The following CHD2 variants were observed in gnomAD, a reference collection of about 807,000 sequenced individuals.
The protein encoded by CHD2 is chromodomain helicase DNA binding protein 2.
A neutral mutation model predicts 243.9 loss-of-function variants in CHD2; 28 were observed. The ratio of observed to expected loss-of-function variants is 0.11; its 90% CI spans 0.09 to 0.16. The LOEUF (loss-of-function observed/expected upper bound fraction) is 0.16, where lower values mean the gene tolerates loss of function less well. Among genes scored for constraint, CHD2 ranks in the 10% least tolerant of loss-of-function variants. The pLI, the probability that CHD2 is intolerant of heterozygous loss-of-function variation, is 1.00. For synonymous variants in CHD2, 775 were observed against 779.0 expected, an observed-to-expected ratio of 0.99 and a Z score of 0.09; for missense variants, 1,386 against 2,209.8, an observed-to-expected ratio of 0.63 and a Z score of 7.47.
intron 34 of CHD2, among the ~76,000 whole-genome samples, chr15:93,006,141 T>G (rs930755312): frequency 6.8e-6 from 1 of 146,180 alleles, no homozygotes; most frequent in Non-Finnish European, 1.5e-5. Flanking sequence ...TTTTTTTTTT[T>G]TTTGAGGCAG....
At chr15:92,907,184 C>G (rs1365341999) in intron 2 of CHD2, among the ~76,000 whole-genome samples, 1 of 152,048 alleles carries the variant, frequency 6.6e-6, no homozygotes, top group Non-Finnish European at 1.5e-5. Context: ...TATTTGAGCC[C>G]TGATTATGAA....
At chr15:92,971,662 C>CT (rs2053843847) in intron 17 of CHD2, 103 bp from the exon 18 acceptor site, 1 of 1,022,282 alleles carries the variant, frequency 9.8e-7, no homozygotes, top group East Asian at 2.9e-5. Flanking sequence ...TTTTAGGCCT[C>CT]TTTTTTTCTC....
chr15:92,943,009 A>G lies in CHD2; in HGVS notation c.993A>G (p.Lys331=). The G allele has an allele frequency of 1.2e-6, 2 of 1,614,138 alleles. No homozygotes were observed. The highest frequency in any genetic ancestry group is 1.1e-5 in the South Asian group (1 of 91,082). The change falls in exon 9 of 39, where the codon AAA becomes AAG. Residue 331 remains lysine (K), a synonymous_variant. Coordinates refer to ENST00000394196, the MANE Select transcript of CHD2 (RefSeq NM_001271.4). ...WESEESLQQQ[K]VKGLKKLENF... Reference sequence around the variant, plus strand: ...GTGAAGAATCCTTACAGCAACAGAAAGTGAAGGGCCTAAAAAAACTAGAGA... The same window carrying G: ...GTGAAGAATCCTTACAGCAACAGAAGGTGAAGGGCCTAAAAAAACTAGAGA...
chr15:92,919,296 C>T (rs1051581391), intron 2 of CHD2, among the ~76,000 whole-genome samples: 1 of 148,786 alleles, frequency 6.7e-6, no homozygotes, highest in African/African-American at 2.4e-5. Flanking sequence ...TAAGTAATGA[C>T]TTTGTTAAGG....
In CHD2 at chr15:92,971,674, A is replaced by G. The variant is rs79183083; in HGVS notation, c.2190-91A>G. ...CTTTTTTAGGCCTCTTTTTTTCTCC[A>G]CAATACTACTACTATCTCTTATACT... On this transcript the variant is annotated intron_variant, in intron 17 of 38. Coordinates refer to ENST00000394196, the MANE Select transcript of CHD2 (RefSeq NM_001271.4). The G allele has an allele frequency of 4.8e-3, 5,447 of 1,145,454 alleles. 211 individuals carry two copies. The African/African-American group carries it at 0.079, about 17-fold the overall frequency. 71.0% of individuals were successfully genotyped at this position (1,145,454 alleles called of 1,614,324 possible). A position where few individuals can be genotyped will look rare whatever the true frequency, so the allele number is the denominator to read the frequency against.
In CHD2 at chr15:93,005,373, G is replaced by T. The variant is rs372352750; in HGVS notation, c.4413+622G>T. 6.0e-4 allele frequency among the ~76,000 whole-genome samples: 91 copies of T among 152,242 alleles called. 2 individuals are homozygous for T. The South Asian group carries it at 0.018, about 30-fold the overall frequency. On this transcript the variant is annotated intron_variant, in intron 34 of 38. Transcript: ENST00000394196. ...GGAGCGAGTGCATGGACCAGGTCTT[G>T]CACGGGATTGGATACAGGCCAGTGT... is the stretch of plus-strand genomic sequence containing the variant.
intron 33 of CHD2, among the ~76,000 whole-genome samples, chr15:93,003,499 A>G (rs1459258457): frequency 1.3e-5 from 2 of 151,782 alleles, no homozygotes; most frequent in Admixed American, 1.3e-4. Flanking sequence ...AAAAAGAGCA[A>G]TTTTAGCAAA....
intron 2 of CHD2, chr15:92,904,541 C>T (rs529472781): frequency 9.0e-6 from 9 of 1,001,520 alleles, no homozygotes; most frequent in Non-Finnish European, 1.1e-5. Flanking sequence ...CGGCTTCTTT[C>T]CTGGACGCGT....
At chr15:93,012,800 T>A (rs556382699) in intron 36 of CHD2, among the ~76,000 whole-genome samples, 1 of 152,332 alleles carries the variant, frequency 6.6e-6, no homozygotes, top group East Asian at 1.9e-4. Context: ...TTCTGGACCA[T>A]CTATTTGGTG....
intron 19 of CHD2, among the ~76,000 whole-genome samples, chr15:92,974,225 AG>A (rs1229141731): frequency 7.9e-5 from 12 of 152,328 alleles, no homozygotes; most frequent in African/African-American, 2.2e-4. Flanking sequence ...TATTGCATGT[AG>A]AACTGACATA....
intron 2 of CHD2, among the ~76,000 whole-genome samples, chr15:92,918,674 T>C (rs2141732046): frequency 6.6e-6 from 1 of 152,228 alleles, no homozygotes; most frequent in South Asian, 2.1e-4. Context: ...AGCTTAGTAC[T>C]AATAGTATTT....
intron 25 of CHD2, among the ~76,000 whole-genome samples, 169 bp from the exon 26 acceptor site, chr15:92,985,329 G>A (rs888856948): frequency 4.6e-5 from 7 of 152,176 alleles, no homozygotes; most frequent in Non-Finnish European, 1.0e-4. Flanking sequence ...ACTGTCCTAA[G>A]TGGGTATTTC....
intron 26 of CHD2, 146 bp from the exon 27 acceptor site, chr15:92,991,330 A>T: frequency 2.0e-6 from 1 of 505,082 alleles, no homozygotes; most frequent in Non-Finnish European, 3.5e-6. Flanking sequence ...TTCAACATTT[A>T]TTCATTTTTT....
intron 10 of CHD2, 90 bp downstream of exon 10, chr15:92,944,605 C>CGTGTCTAGTCTCCAAAGTGCAT: frequency 1.8e-6 from 1 of 569,706 alleles, no homozygotes; most frequent in Non-Finnish European, 3.1e-6. Context: ...TAAAAATGCA[C>CGTGTCTAGTCTCCAAAGTGCAT]TTTGGAGACT....
chr15:93,015,001 T>C (rs1001117701), intron 37 of CHD2, 92 bp downstream of exon 37: 3 of 971,318 alleles, frequency 3.1e-6, no homozygotes, highest in Non-Finnish European at 4.8e-6. Context: ...GCTAGACTTC[T>C]GTGCTTTATT....
At chr15:93,022,595 G>C (rs190174703) in intron 38 of CHD2, among the ~76,000 whole-genome samples, 2 of 152,296 alleles carry the variant, frequency 1.3e-5, no homozygotes, top group East Asian at 1.9e-4. Context: ...GCCTTGGGTA[G>C]TTTCCCCACA....
At position 92,998,328 on chromosome 15, in the gene CHD2, AT is replaced by A; in HGVS notation, c.3886-167del. The stretch of plus-strand genomic sequence containing the variant: ...GTAAAATGAGAACGGCTCGTGAGGG[AT>A]TTTCAGTGACTGGGAGCCATGGACA... On this transcript the variant is annotated intron_variant, in intron 30 of 38. Transcript: ENST00000394196. The surrounding 1 kb of genome is among the most constrained non-coding windows in gnomAD (Gnocchi z 5.1). 1 of 1,348,620 alleles carries A rather than the reference AT, an allele frequency of 7.4e-7. No homozygotes were observed. Among genetic ancestry groups the A allele is most frequent in the Non-Finnish European group, 9.7e-7 (1 of 1,026,602 alleles). 83.5% of individuals were successfully genotyped at this position (1,348,620 alleles called of 1,614,324 possible).
At chr15:92,977,989 C>G (rs1041983500) in intron 20 of CHD2, among the ~76,000 whole-genome samples, 1 of 152,184 alleles carries the variant, frequency 6.6e-6, no homozygotes, top group African/African-American at 2.4e-5. Context: ...CACTAATTCT[C>G]TCACTCCCAT....
At chr15:92,958,034 A>G (rs1281084927) in intron 16 of CHD2, among the ~76,000 whole-genome samples, 4 of 152,216 alleles carry the variant, frequency 2.6e-5, no homozygotes, top group South Asian at 2.1e-4. Flanking sequence ...GCATCCAGTT[A>G]CCGGTTGATG....
Sources: gnomAD v4.1 joint callset for allele counts (sites outside exome capture counted in the v4.1 genomes callset) on GRCh38, gnomAD v4.1.1 for gene constraint, Gnocchi (gnomAD v3.1) non-coding constraint, MANE v1.5 for transcripts, NCBI Gene and HGNC (gene_info 2026-07-23, HGNC 2026-07-21) for gene names.